Variants in TEX11 observed in about 807,000 individuals in gnomAD.
TEX11 encodes testis-expressed protein 11.
TEX11 carries 7 observed loss-of-function variants against 84.4 expected under a neutral mutation model. The observed-to-expected ratio is 0.08, with a 90% confidence interval of 0.05 to 0.16. The LOEUF is 0.16. Ranked by LOEUF, TEX11 falls within the 10% of genes least tolerant of loss-of-function variation. The pLI, the probability that TEX11 is intolerant of heterozygous loss-of-function variation, is 1.00. For missense variants in TEX11, 551 were observed against 660.5 expected, an observed-to-expected ratio of 0.83 and a Z score of 1.82; for synonymous variants, 264 against 222.8, an observed-to-expected ratio of 1.18 and a Z score of -1.64.
chrX:70,669,596 A>G (rs1484366184), intron 16 of TEX11, among the ~76,000 whole-genome samples: 1 of 112,993 alleles, frequency 8.9e-6, no homozygotes, highest in African/African-American at 3.2e-5. Context: ...AAGAAAATCT[A>G]AAGTATTTAA....
intron 9 of TEX11, among the ~76,000 whole-genome samples, chrX:70,792,017 C>G (rs1332060309): frequency 9.5e-6 from 1 of 104,744 alleles, no homozygotes; most frequent in African/African-American, 3.5e-5. Flanking sequence ...TCCAGCTACT[C>G]GAGAGGCTGA....
intron 8 of TEX11, among the ~76,000 whole-genome samples, chrX:70,825,666 C>T (rs995803671): frequency 4.5e-5 from 5 of 112,074 alleles, no homozygotes; most frequent in Admixed American, 9.5e-5. Context: ...CAAGAATTGA[C>T]GAAATGTTTT....
chrX:70,821,052 CA>C (rs1350756913), intron 8 of TEX11, among the ~76,000 whole-genome samples: 2 of 111,614 alleles, frequency 1.8e-5, no homozygotes, highest in Non-Finnish European at 3.8e-5. Context: ...ACCCCATCAA[CA>C]GAGTGAAAAA....
intron 9 of TEX11, among the ~76,000 whole-genome samples, chrX:70,794,812 C>G (rs2091146409): frequency 9.1e-6 from 1 of 109,425 alleles, no homozygotes; most frequent in African/African-American, 3.3e-5. Context: ...TTTGAACAAT[C>G]AGCAGCGATA....
At chrX:70,579,403 G>A (rs1447583636) in intron 25 of TEX11, among the ~76,000 whole-genome samples, 1 of 107,905 alleles carries the variant, frequency 9.3e-6, no homozygotes, top group African/African-American at 3.4e-5. Context: ...GCTGAGGCAG[G>A]AGAATGGTGG....
chrX:70,838,760 C>A (rs912114378), intron 7 of TEX11, among the ~76,000 whole-genome samples: 2 of 112,320 alleles, frequency 1.8e-5, no homozygotes, highest in Non-Finnish European at 3.8e-5. Flanking sequence ...ACAGATGGCA[C>A]CTGGAAAATC....
At chrX:70,855,466 T>C (rs1225817230) in intron 5 of TEX11, among the ~76,000 whole-genome samples, 1 of 109,389 alleles carries the variant, frequency 9.1e-6, no homozygotes, top group Non-Finnish European at 1.9e-5. Context: ...CTCAGGAGAC[T>C]GAGGCACAAG....
intron 17 of TEX11, among the ~76,000 whole-genome samples, chrX:70,640,644 C>G (rs1385589476): frequency 3.7e-5 from 4 of 108,192 alleles, no homozygotes; most frequent in African/African-American, 6.7e-5. Flanking sequence ...AATTTTCAAC[C>G]CAGAATTTCA....
chrX:70,744,123 G>C, intron 10 of TEX11, 42 bp downstream of exon 10: 1 of 867,126 alleles, frequency 1.2e-6, no homozygotes, highest in Non-Finnish European at 1.5e-6. Flanking sequence ...AAATAAAGCA[G>C]GTTATTCAAC....
At chrX:70,836,927 G>A (rs566725461) in intron 7 of TEX11, among the ~76,000 whole-genome samples, 38 of 111,406 alleles carry the variant, frequency 3.4e-4, no homozygotes, top group Middle Eastern at 4.7e-3. Flanking sequence ...TGAGGCAGGA[G>A]AATCACTTGA....
At chrX:70,794,541 G>A (rs1402969187) in intron 9 of TEX11, among the ~76,000 whole-genome samples, 1 of 109,407 alleles carries the variant, frequency 9.1e-6, no homozygotes, top group African/African-American at 3.3e-5. Context: ...GGCAGCACAG[G>A]TTGCAGCTCC....
intron 11 of TEX11, among the ~76,000 whole-genome samples, chrX:70,725,854 A>G (rs1198562597): frequency 3.6e-5 from 4 of 111,923 alleles, no homozygotes; most frequent in South Asian, 3.7e-4. Flanking sequence ...CTGACAGGGT[A>G]CATCTTTAAA....
chrX:70,572,119 T>A (rs2088607547), intron 25 of TEX11, among the ~76,000 whole-genome samples: 1 of 107,408 alleles, frequency 9.3e-6, no homozygotes, highest in African/African-American at 3.4e-5. Flanking sequence ...AGGGCTAATA[T>A]CCAGAATCTA....
At chrX:70,845,879 A>T (rs2091476642) in intron 7 of TEX11, among the ~76,000 whole-genome samples, 1 of 111,148 alleles carries the variant, frequency 9.0e-6, no homozygotes, top group South Asian at 3.9e-4. Context: ...CAATCACTTA[A>T]GAGCCTCTCC....
Position 70,578,804 on chromosome X carries a change from CTTG to C in TEX11, c.2140+12944_2140+12946del, listed in dbSNP as rs370196844. On this transcript the variant is annotated intron_variant, in intron 25 of 29. Coordinates refer to ENST00000374333, the MANE Select transcript of TEX11 (RefSeq NM_031276.3). ...TTTTTTTTTGAGACAGAGTTTTGCTCTTGTTGTCCAGACTGGAGTGCAATTGCA... is the reference window on the plus strand; with the variant it reads ...TTTTTTTTTGAGACAGAGTTTTGCTCTTGTCCAGACTGGAGTGCAATTGCA... Among the ~76,000 whole-genome samples, 457 of 64,420 alleles carry C rather than the reference CTTG, an allele frequency of 7.1e-3. 3 individuals are homozygous for C. Among genetic ancestry groups the C allele is most frequent in the African/African-American group, 0.028 (434 of 15,474 alleles). 55.9% of individuals were successfully genotyped at this position (64,420 alleles called of 115,157 possible). A position where few individuals can be genotyped will look rare whatever the true frequency, so the allele number is the denominator to read the frequency against.
chrX:70,606,680 C>G (rs992611361), intron 23 of TEX11, among the ~76,000 whole-genome samples: 3 of 111,773 alleles, frequency 2.7e-5, no homozygotes, highest in Non-Finnish European at 5.7e-5. Flanking sequence ...CTTTGGGAGG[C>G]TGAGATCCCT....
intron 9 of TEX11, among the ~76,000 whole-genome samples, chrX:70,754,736 GGAGA>G (rs747585067): frequency 2.8e-5 from 3 of 108,744 alleles, no homozygotes. Flanking sequence ...AGGTAGCTCA[GGAGA>G]GAGAGAGAGA....
At chrX:70,736,121 A>T (rs1319806865) in intron 11 of TEX11, among the ~76,000 whole-genome samples, 1 of 111,578 alleles carries the variant, frequency 9.0e-6, no homozygotes, top group Non-Finnish European at 1.9e-5. Context: ...AATTAATTTT[A>T]ATGAGACTTA....
At chrX:70,640,199 C>T (rs1167071547) in intron 17 of TEX11, among the ~76,000 whole-genome samples, 9 of 108,706 alleles carry the variant, frequency 8.3e-5, no homozygotes, top group East Asian at 2.9e-4. Context: ...TGAAATGAAG[C>T]GAGAAGGAAA....
Sources: allele counts gnomAD v4.1 joint callset (sites outside exome capture counted in the v4.1 genomes callset), GRCh38; gene constraint gnomAD v4.1.1; transcripts MANE v1.5; gene names NCBI Gene and HGNC (gene_info 2026-07-23, HGNC 2026-07-21).